The following FRK variants were observed in gnomAD, a reference collection of about 807,000 sequenced individuals.
FRK encodes the protein tyrosine-protein kinase FRK.
FRK carries 51 observed loss-of-function variants against 56.4 expected under a neutral mutation model. The ratio of observed to expected loss-of-function variants is 0.90; its 90% CI spans 0.72 to 1.14. FRK has a LOEUF of 1.14. FRK is among the 50% of genes most tolerant of loss of function. FRK has a pLI of 0.00. For synonymous variants in FRK, 245 were observed against 217.9 expected, an observed-to-expected ratio of 1.12 and a Z score of -1.10; for missense variants, 570 against 601.4, an observed-to-expected ratio of 0.95 and a Z score of 0.55.
Position 115,939,212 on chromosome 6 carries a change from C to T in FRK, c.*3202G>A, listed in dbSNP as rs1772108774. 1 of 152,096 alleles carries T rather than the reference C, an allele frequency of 6.6e-6. No homozygotes were observed. The highest frequency in any genetic ancestry group is 2.4e-5 in the African/African-American group (1 of 41,416). The allele number at this position is 152,096 out of a possible 1,614,324, so 9.4% of individuals were successfully genotyped here. A position where few individuals can be genotyped will look rare whatever the true frequency, so the allele number is the denominator to read the frequency against. On this transcript the variant is annotated 3_prime_UTR_variant, in exon 8 of 8. Transcript: ENST00000606080. Reference sequence around the variant, plus strand: ...GCAAATCAATAAACACAATCCATCACATAAACAGAACCAATGACAAAAACC... The same window carrying T: ...GCAAATCAATAAACACAATCCATCATATAAACAGAACCAATGACAAAAACC...
the FRK span, among the ~76,000 whole-genome samples, chr6:116,081,785 T>G: frequency 6.6e-6 from 1 of 152,120 alleles, no homozygotes; most frequent in Admixed American, 6.5e-5. Flanking sequence ...TATCTACACA[T>G]TAATCAAGTG....
At chr6:116,012,283 T>C (rs964420623) in intron 1 of FRK, among the ~76,000 whole-genome samples, 1 of 152,130 alleles carries the variant, frequency 6.6e-6, no homozygotes, top group Non-Finnish European at 1.5e-5. Context: ...AAACCTCTAT[T>C]AACCTGGAAA....
intron 2 of FRK, among the ~76,000 whole-genome samples, chr6:115,986,986 G>A (rs1026167908): frequency 3.3e-5 from 5 of 151,806 alleles, no homozygotes; most frequent in African/African-American, 7.3e-5. Context: ...CACAAATTCC[G>A]GAGAGAAAAG....
In FRK at chr6:116,059,979, T is replaced by C. The variant is rs745481465; in HGVS notation, c.333A>G (p.Leu111=). The C allele has an allele frequency of 3.6e-5, 58 of 1,613,662 alleles. No homozygotes were observed. The Admixed American group carries it at 8.8e-4, about 25-fold the overall frequency. ...TTTGTACTACTCACGGCTCTGCCTG[T>C]AGGCTTCTGTCCTCAGCCACGTAGT... ...PSNYVAEDRS[L]QAEPWFFGAI... is the part of the protein sequence containing the mutation. The change falls in exon 1 of 8, where the codon CTA becomes CTG. Residue 111 remains leucine (L), a synonymous_variant. Transcript: ENST00000606080.
intron 4 of FRK, among the ~76,000 whole-genome samples, chr6:115,960,124 T>A (rs1773275310): frequency 6.6e-6 from 1 of 151,846 alleles, no homozygotes; most frequent in South Asian, 2.1e-4. Context: ...TGCATTTCCA[T>A]CTGAGGTACC....
chr6:116,039,782 C>A (rs1447635089), intron 1 of FRK, among the ~76,000 whole-genome samples: 1 of 151,896 alleles, frequency 6.6e-6, no homozygotes. Context: ...GTCCCCTAGG[C>A]CCTAATGAGG....
the FRK span, among the ~76,000 whole-genome samples, chr6:116,090,601 A>G: frequency 6.6e-6 from 1 of 152,222 alleles, no homozygotes; most frequent in Non-Finnish European, 1.5e-5. Context: ...GTTACAGACA[A>G]TGTGTCTAGA....
intron 5 of FRK, among the ~76,000 whole-genome samples, chr6:115,951,695 A>T (rs1772759688): frequency 6.6e-6 from 1 of 152,188 alleles, no homozygotes; most frequent in Non-Finnish European, 1.5e-5. Flanking sequence ...TATGACATCT[A>T]ATCCTATTAC....
the FRK span, among the ~76,000 whole-genome samples, chr6:116,076,812 T>G: frequency 6.6e-6 from 1 of 152,224 alleles, no homozygotes; most frequent in Admixed American, 6.5e-5. Context: ...ACTGATTCTC[T>G]AAGTTAAAAT....
At chr6:115,961,269 G>C (rs1773347338) in intron 4 of FRK, among the ~76,000 whole-genome samples, 1 of 115,088 alleles carries the variant, frequency 8.7e-6, no homozygotes, top group Non-Finnish European at 1.7e-5. Context: ...AGAAGCCGAT[G>C]CGATCAACTG....
upstream of FRK, among the ~76,000 whole-genome samples, chr6:116,061,099 T>G (rs1185542833): frequency 6.6e-6 from 1 of 152,194 alleles, no homozygotes; most frequent in Non-Finnish European, 1.5e-5. Flanking sequence ...TTCCCAGCAC[T>G]GAAATTCACG....
intron 1 of FRK, among the ~76,000 whole-genome samples, chr6:116,053,398 G>C (rs1440258126): frequency 6.6e-6 from 1 of 152,104 alleles, no homozygotes; most frequent in East Asian, 1.9e-4. Context: ...CAATGAAAGT[G>C]CACAGCATAT....
intron 2 of FRK, among the ~76,000 whole-genome samples, chr6:115,985,851 T>C (rs1256588777): frequency 6.6e-6 from 1 of 150,980 alleles, no homozygotes; most frequent in Non-Finnish European, 1.5e-5. Context: ...GATTTTGAGA[T>C]AAAGAAAAAA....
chr6:116,036,341 ATACT>A (rs1310998389), intron 1 of FRK, among the ~76,000 whole-genome samples: 1 of 152,168 alleles, frequency 6.6e-6, no homozygotes, highest in African/African-American at 2.4e-5. Flanking sequence ...CTCAGCAAAT[ATACT>A]TACTTACTGC....
chr6:115,954,707 T>G (rs1306991610), intron 5 of FRK, among the ~76,000 whole-genome samples: 1 of 152,190 alleles, frequency 6.6e-6, no homozygotes, highest in African/African-American at 2.4e-5. Context: ...TCACAAACAA[T>G]GATTTTTTTC....
intron 1 of FRK, among the ~76,000 whole-genome samples, chr6:116,043,898 G>C (rs1002413868): frequency 2.6e-5 from 4 of 151,996 alleles, no homozygotes; most frequent in Admixed American, 2.6e-4. Context: ...AGTGATAAAG[G>C]GGATATCACC....
intron 1 of FRK, among the ~76,000 whole-genome samples, chr6:116,009,483 A>G (rs2114708444): frequency 6.6e-6 from 1 of 152,356 alleles, no homozygotes; most frequent in East Asian, 1.9e-4. Context: ...GCAGCTGAGA[A>G]TGTTTGAGTT....
intron 1 of FRK, among the ~76,000 whole-genome samples, chr6:116,045,796 T>C (rs1776928637): frequency 6.6e-6 from 1 of 152,022 alleles, no homozygotes; most frequent in Non-Finnish European, 1.5e-5. Context: ...ACAAATGGGA[T>C]CTAATTAAAC....
At chr6:116,093,928 T>C in the FRK span, among the ~76,000 whole-genome samples, 2,922 of 152,176 alleles carry the variant, frequency 0.019, 36 homozygotes, top group Non-Finnish European at 0.029. Context: ...TCTGGAGGCA[T>C]TATTAAACCT....
Sources: gnomAD v4.1 joint callset for allele counts (sites outside exome capture counted in the v4.1 genomes callset) on GRCh38, gnomAD v4.1.1 for gene constraint, MANE v1.5 for transcripts, NCBI Gene and HGNC (gene_info 2026-07-23, HGNC 2026-07-21) for gene names.